The following FHIT variants were observed in gnomAD, a reference collection of about 807,000 sequenced individuals.
FHIT encodes fragile histidine triad diadenosine triphosphatase.
FHIT carries 19 observed loss-of-function variants against 17.9 expected under a neutral mutation model. The ratio of observed to expected loss-of-function variants is 1.06; its 90% confidence interval spans 0.74 to 1.56. The LOEUF (loss-of-function observed/expected upper bound fraction) is 1.56. FHIT is among the 40% of genes most tolerant of loss of function. FHIT has a pLI of 0.00. For missense variants in FHIT, 248 were observed against 189.2 expected (o/e 1.31, Z -1.82); for synonymous variants, 81 against 69.7 (o/e 1.16, Z -0.81).
intron 5 of FHIT, among the ~76,000 whole-genome samples, chr3:60,509,868 T>A (rs541797393): frequency 1.3e-5 from 2 of 152,282 alleles, no homozygotes; most frequent in Middle Eastern, 3.4e-3. Context: ...TGTCTTACAG[T>A]TTTTTTGTTT....
At chr3:61,154,763 G>A (rs1380457778) in intron 2 of FHIT, among the ~76,000 whole-genome samples, 1 of 152,146 alleles carries the variant, frequency 6.6e-6, no homozygotes, top group Non-Finnish European at 1.5e-5. Flanking sequence ...CCCTTGAGGT[G>A]GAAAACCAAA....
intron 2 of FHIT, among the ~76,000 whole-genome samples, chr3:61,097,517 G>A (rs1290116628): frequency 6.6e-6 from 1 of 152,086 alleles, no homozygotes. Context: ...GGTCTTTAAG[G>A]AATCGTCACA....
intron 2 of FHIT, among the ~76,000 whole-genome samples, chr3:61,046,668 GC>G: frequency 6.6e-6 from 1 of 152,190 alleles, no homozygotes; most frequent in South Asian, 2.1e-4. Flanking sequence ...TGATAGCAAA[GC>G]CTGGCAGAGA....
intron 7 of FHIT, among the ~76,000 whole-genome samples, chr3:59,995,592 T>TA (rs1699473166): frequency 6.6e-6 from 1 of 152,088 alleles, no homozygotes; most frequent in African/African-American, 2.4e-5. Context: ...ATTATCCACT[T>TA]AAAAAATCCA....
chr3:60,768,676 G>A (rs1278433850), intron 4 of FHIT, among the ~76,000 whole-genome samples: 2 of 152,190 alleles, frequency 1.3e-5, no homozygotes, highest in African/African-American at 4.8e-5. Context: ...TGTGACTAGT[G>A]CAGGCCAACG....
intron 3 of FHIT, among the ~76,000 whole-genome samples, chr3:60,907,919 C>G (rs1292172583): frequency 6.6e-6 from 1 of 152,158 alleles, no homozygotes; most frequent in Admixed American, 6.5e-5. Flanking sequence ...AAATGGAAAC[C>G]TATAGAAGTA....
chr3:59,898,304 T>C (rs1181338789), intron 8 of FHIT, among the ~76,000 whole-genome samples: 2 of 152,140 alleles, frequency 1.3e-5, no homozygotes, highest in Admixed American at 6.5e-5. Context: ...TATACGCAAA[T>C]ATTTCCCAAT....
chr3:60,847,070 C>T (rs1197150670), intron 3 of FHIT, among the ~76,000 whole-genome samples: 2 of 152,148 alleles, frequency 1.3e-5, no homozygotes, highest in Non-Finnish European at 2.9e-5. Flanking sequence ...GTGATCCACC[C>T]ACCTTGGCCT....
chr3:60,529,675 G>A (rs761875211), intron 5 of FHIT, among the ~76,000 whole-genome samples: 2 of 152,076 alleles, frequency 1.3e-5, no homozygotes, highest in East Asian at 1.9e-4. Flanking sequence ...AGAATATAAC[G>A]AACAGAGTTC....
At chr3:60,861,168 A>G (rs1475913937) in intron 3 of FHIT, among the ~76,000 whole-genome samples, 1 of 14,278 alleles carries the variant, frequency 7.0e-5, no homozygotes, top group African/African-American at 2.7e-4. Flanking sequence ...TATATATCAT[A>G]TGTTCTATGA....
At chr3:60,292,178 A>C (rs2106663182) in intron 5 of FHIT, among the ~76,000 whole-genome samples, 2 of 152,272 alleles carry the variant, frequency 1.3e-5, no homozygotes. Context: ...TAGCAATGAG[A>C]ACACCAGCTG....
intron 3 of FHIT, among the ~76,000 whole-genome samples, chr3:60,984,369 T>C (rs1456447563): frequency 6.6e-6 from 1 of 152,234 alleles, no homozygotes; most frequent in Non-Finnish European, 1.5e-5. Context: ...AGATGCATCA[T>C]CATTTCTACT....
intron 3 of FHIT, among the ~76,000 whole-genome samples, chr3:60,837,476 A>T (rs1290727238): frequency 6.6e-6 from 1 of 152,028 alleles, no homozygotes; most frequent in Non-Finnish European, 1.5e-5. Context: ...CCATTATTTT[A>T]CTTTCGTCTA....
chr3:59,787,940 T>C (rs1039798880), intron 8 of FHIT, among the ~76,000 whole-genome samples: 1 of 152,176 alleles, frequency 6.6e-6, no homozygotes, highest in African/African-American at 2.4e-5. Flanking sequence ...GGAATCTTTT[T>C]ACCGTAGAGT....
chr3:60,336,804 A>C (rs1023141585), intron 5 of FHIT, among the ~76,000 whole-genome samples: 1 of 152,084 alleles, frequency 6.6e-6, no homozygotes, highest in Non-Finnish European at 1.5e-5. Flanking sequence ...TTAAAGAGAG[A>C]AGCAAATAGG....
At position 60,697,085 on chromosome 3, in the gene FHIT, T is replaced by A. The variant is rs575977083; in HGVS notation, c.-18+124834A>T. Reference sequence around the variant, plus strand: ...ATTTGATGGAAAGTTATCCCTAGTATTTTCCCCCAAATTGGATTGAATTAT... The same window carrying A: ...ATTTGATGGAAAGTTATCCCTAGTAATTTCCCCCAAATTGGATTGAATTAT... On this transcript the variant is annotated intron_variant, in intron 4 of 9. Coordinates refer to ENST00000492590, the MANE Select transcript of FHIT (RefSeq NM_002012.4). Among the ~76,000 whole-genome samples the A allele has an allele frequency of 6.6e-5, 10 of 152,288 alleles. No individual in the cohort carries two copies. The South Asian group carries it at 1.9e-3, about 28-fold the overall frequency.
At chr3:60,961,053 T>A (rs950047198) in intron 3 of FHIT, among the ~76,000 whole-genome samples, 1 of 152,236 alleles carries the variant, frequency 6.6e-6, no homozygotes, top group Non-Finnish European at 1.5e-5. Context: ...CCACCAACAG[T>A]GTAAAAGTTT....
At chr3:60,384,915 T>TTCCC (rs1177616790) in intron 5 of FHIT, among the ~76,000 whole-genome samples, 1 of 152,196 alleles carries the variant, frequency 6.6e-6, no homozygotes, top group African/African-American at 2.4e-5. Flanking sequence ...GTTCAATGCC[T>TTCCC]TCCCTTTCTT....
chr3:59,970,008 G>C (rs779517208), intron 7 of FHIT, among the ~76,000 whole-genome samples: 1 of 151,904 alleles, frequency 6.6e-6, no homozygotes, highest in Non-Finnish European at 1.5e-5. Context: ...ACCCCACCCA[G>C]AACATAACTG....
Sources: gnomAD v4.1 joint callset for allele counts (sites outside exome capture counted in the v4.1 genomes callset) on GRCh38, gnomAD v4.1.1 for gene constraint, MANE v1.5 for transcripts, NCBI Gene and HGNC (gene_info 2026-07-23, HGNC 2026-07-21) for gene names.